The following ADCK2 variants were observed in gnomAD, a reference collection of about 807,000 sequenced individuals.
The protein encoded by ADCK2 is aarF domain containing kinase 2, also known as uncharacterized aarF domain-containing protein kinase 2.
Under a neutral mutation model 52.3 loss-of-function variants are expected in ADCK2, and 37 were observed. That is an observed-to-expected ratio of 0.71 (90% CI 0.54 to 0.93). The LOEUF is 0.93. ADCK2 is among the 40% of genes least tolerant of loss of function. ADCK2 has a pLI of 0.00. For synonymous variants in ADCK2, 321 were observed against 349.2 expected (o/e 0.92, Z 0.90); for missense variants, 695 against 798.7 (o/e 0.87, Z 1.56).
rs763966821 is a variant in ADCK2, at chr7:140,687,134, C to T, written c.1450C>T (p.Leu484Phe). The T allele has an allele frequency of 3.7e-6, 6 of 1,613,470 alleles. No individual in the cohort carries two copies. The Admixed American group carries it at 1.0e-4, about 27-fold the overall frequency. ...DTLVVAVPSS[L>F]CPLRLVLLDA... is the part of the protein sequence containing the mutation. ...TCTGGTGGTGGCCGTGCCATCTTCC[C>T]TCTGCCCGCTGCGACTGGTGCTGCT... Residue 484 changes from leucine (L) to phenylalanine (F), a missense_variant, in exon 5 of 8, where the codon CTC (leucine) becomes TTC (phenylalanine). By Grantham distance (22) the Leu-to-Phe change is conservative. Coordinates refer to ENST00000072869, the MANE Select transcript of ADCK2 (RefSeq NM_052853.4).
At chr7:140,682,274 G>A (rs1047510272) in intron 4 of ADCK2, among the ~76,000 whole-genome samples, 6 of 152,210 alleles carry the variant, frequency 3.9e-5, no homozygotes, top group Non-Finnish European at 8.8e-5. Flanking sequence ...ATTCACTCAG[G>A]AAGTGGCTCC....
chr7:140,683,676 C>T (rs187658586), intron 4 of ADCK2, among the ~76,000 whole-genome samples: 257 of 152,294 alleles, frequency 1.7e-3, no homozygotes, highest in South Asian at 0.013. Context: ...AGGCCAGAGC[C>T]GTGGTTTACA....
chr7:140,684,554 C>CGGATAGG (rs1001771669), intron 4 of ADCK2, among the ~76,000 whole-genome samples: 24 of 152,170 alleles, frequency 1.6e-4, no homozygotes, highest in Admixed American at 1.2e-3. Flanking sequence ...GTCTCAGAGG[C>CGGATAGG]GAAGAATCAT....
chr7:140,683,376 A>T (rs921076326), intron 4 of ADCK2, among the ~76,000 whole-genome samples: 3 of 152,128 alleles, frequency 2.0e-5, no homozygotes, highest in African/African-American at 7.2e-5. Context: ...CACTGTGTGG[A>T]GTTGGAGTGG....
intron 7 of ADCK2, among the ~76,000 whole-genome samples, chr7:140,692,432 A>G (rs1206684500): frequency 6.6e-6 from 1 of 152,224 alleles, no homozygotes; most frequent in Non-Finnish European, 1.5e-5. Flanking sequence ...AGCTTGGCTC[A>G]TTGCAACCTC....
In ADCK2 at chr7:140,694,712, T is replaced by G; in HGVS notation, c.1790T>G (p.Leu597Trp). The G allele has an allele frequency of 3.1e-6, 5 of 1,614,132 alleles. No individual in the cohort carries two copies. The highest frequency in any genetic ancestry group is 4.2e-6 in the Non-Finnish European group (5 of 1,180,006). Residue 597 changes from leucine to tryptophan, a missense_variant, in exon 8 of 8, where the codon TTG becomes TGG. Leu to Trp is a moderately conservative substitution (Grantham distance 61). Coordinates refer to ENST00000072869, the MANE Select transcript of ADCK2 (RefSeq NM_052853.4). ...FASIVFAIMV[L>W]EGLGRSLDPK... Reference sequence around the variant, plus strand: ...TCCATTGTGTTTGCCATCATGGTGTTGGAGGGGCTTGGCCGCTCACTGGAC... The same window carrying G: ...TCCATTGTGTTTGCCATCATGGTGTGGGAGGGGCTTGGCCGCTCACTGGAC...
chr7:140,685,806 T>A (rs1444372817), intron 4 of ADCK2, among the ~76,000 whole-genome samples: 1 of 151,998 alleles, frequency 6.6e-6, no homozygotes, highest in East Asian at 1.9e-4. Context: ...TCTCCTCTCA[T>A]CCCCCGTGGA....
chr7:140,674,252 G>A lies in ADCK2; in HGVS notation c.922G>A (p.Val308Met), dbSNP rs766988293. ...ACCTGAGGCCACCAACCTCATCTCC[G>A]TGGCAGTGAAAGTAAGTGTTGTGAG... ...HQPEATNLIS[V>M]AVKVLHPGLL... is the part of the protein sequence containing the mutation. Residue 308 changes from valine to methionine, a missense_variant, in exon 1 of 8, where the codon GTG becomes ATG. Physicochemically the swap from Val to Met is conservative, Grantham distance 21 (BLOSUM62 1). Transcript: ENST00000072869. The surrounding 1 kb of genome is among the most constrained non-coding windows in gnomAD (Gnocchi z 4.6). 3.1e-6 allele frequency: 5 copies of A among 1,610,722 alleles called. No homozygotes were observed. The South Asian group carries it at 4.4e-5, about 14-fold the overall frequency.
chr7:140,687,209 C>G lies in ADCK2; in HGVS notation c.1525C>G (p.Arg509Gly). 6.3e-7 allele frequency: 1 copy of G among 1,579,118 alleles called. No homozygotes were observed. The highest frequency in any genetic ancestry group is 1.8e-5 in the Admixed American group (1 of 54,552). The change falls in exon 5 of 8, where the codon CGG becomes GGG. Residue 509 changes from arginine (R) to glycine (G), a missense_variant. Physicochemically the swap from Arg to Gly is moderately radical, Grantham distance 125. Transcript: ENST00000072869. ...ELQAPDLRNF[R>G]AVFMAVVMGQ... Reference sequence around the variant, plus strand: ...GCAGGCCCCTGACCTGAGGAATTTCCGGGCAGTTTTCATGGCTGTGGTGAT... The same window carrying G: ...GCAGGCCCCTGACCTGAGGAATTTCGGGGCAGTTTTCATGGCTGTGGTGAT...
chr7:140,674,295 C>T lies in ADCK2; in HGVS notation c.933+32C>T. 1.3e-6 allele frequency: 2 copies of T among 1,567,198 alleles called. No individual in the cohort carries two copies. The highest frequency in any genetic ancestry group is 2.2e-5 in the East Asian group (1 of 44,498). ...GTTGTGAGAGCTCACAGCTCACCTACCCACTGAGCTATCCCAGATCAGAAA... is the reference window on the plus strand; with the variant it reads ...GTTGTGAGAGCTCACAGCTCACCTATCCACTGAGCTATCCCAGATCAGAAA... On this transcript the variant is annotated intron_variant, in intron 1 of 7. Transcript: ENST00000072869. The surrounding 1 kb of genome is among the most constrained non-coding windows in gnomAD (Gnocchi z 4.6).
chr7:140,686,323 C>G (rs1794604079), intron 4 of ADCK2, among the ~76,000 whole-genome samples: 1 of 152,202 alleles, frequency 6.6e-6, no homozygotes, highest in African/African-American at 2.4e-5. Flanking sequence ...CTCCGTCGCC[C>G]AGACTGGAGT....
intron 6 of ADCK2, among the ~76,000 whole-genome samples, chr7:140,690,233 TG>T (rs1044947906): frequency 5.3e-5 from 8 of 152,108 alleles, no homozygotes; most frequent in African/African-American, 1.9e-4. Flanking sequence ...GATGGAGTCT[TG>T]CTGTATCACC....
chr7:140,685,515 G>A (rs529204378), intron 4 of ADCK2, among the ~76,000 whole-genome samples: 3 of 151,740 alleles, frequency 2.0e-5, no homozygotes, highest in Non-Finnish European at 4.4e-5. Context: ...CACCAGCTTC[G>A]CTGGAGGGTC....
At position 140,674,932 on chromosome 7, in the gene ADCK2, A is replaced by C. The variant is rs1794371032; in HGVS notation, c.1080+175A>C. Reference sequence around the variant, plus strand: ...CAAATCTCAGTGGCTTAATGCAACAAATTAATTTTTTGCTTATATCAAAGT... The same window carrying C: ...CAAATCTCAGTGGCTTAATGCAACACATTAATTTTTTGCTTATATCAAAGT... On this transcript the variant is annotated intron_variant, in intron 2 of 7. Coordinates refer to ENST00000072869, the MANE Select transcript of ADCK2 (RefSeq NM_052853.4). This position sits in a 1 kb window ranked among gnomAD's most constrained non-coding sequence, Gnocchi z 4.6. 6.6e-6 allele frequency among the ~76,000 whole-genome samples: 1 copy of C among 152,202 alleles called. No homozygotes were observed. The highest frequency in any genetic ancestry group is 1.5e-5 in the Non-Finnish European group (1 of 68,044).
At position 140,674,887 on chromosome 7, in the gene ADCK2, A is replaced by AGCT; in HGVS notation, c.1080+130_1080+131insGCT. The AGCT allele has an allele frequency of 3.4e-6, 4 of 1,160,972 alleles. No homozygotes were observed. The highest frequency in any genetic ancestry group is 4.7e-6 in the Non-Finnish European group (4 of 852,898). 71.9% of individuals were successfully genotyped at this position (1,160,972 alleles called of 1,614,324 possible). A position where few individuals can be genotyped will look rare whatever the true frequency, so the allele number is the denominator to read the frequency against. On this transcript the variant is annotated intron_variant, in intron 2 of 7. Coordinates refer to ENST00000072869, the MANE Select transcript of ADCK2 (RefSeq NM_052853.4). The surrounding 1 kb of genome is among the most constrained non-coding windows in gnomAD (Gnocchi z 4.6). Reference sequence around the variant, plus strand: ...CATGTGATGTGTTAGAGCTGGTAACACTAGCTGATAAAGAACATCCAAATC... The same window carrying AGCT: ...CATGTGATGTGTTAGAGCTGGTAACAGCTCTAGCTGATAAAGAACATCCAAATC...
At chr7:140,684,750 T>G (rs985603971) in intron 4 of ADCK2, among the ~76,000 whole-genome samples, 2 of 152,086 alleles carry the variant, frequency 1.3e-5, no homozygotes, top group Non-Finnish European at 2.9e-5. Flanking sequence ...TGGGCTCAGG[T>G]GACACCACTC....
Position 140,694,962 on chromosome 7 carries a change from G to C in ADCK2, c.*159G>C. The C allele has an allele frequency of 7.1e-7, 1 of 1,399,724 alleles. No homozygotes were observed. The allele number at this position is 1,399,724 out of a possible 1,614,324, so 86.7% of individuals were successfully genotyped here. A position where few individuals can be genotyped will look rare whatever the true frequency, so the allele number is the denominator to read the frequency against. Reference sequence around the variant, plus strand: ...ATGGCTTCCTCTGCTTGGTTTGAGGGTCTGTTCAAAAGCTTTGGGCCAATT... The same window carrying C: ...ATGGCTTCCTCTGCTTGGTTTGAGGCTCTGTTCAAAAGCTTTGGGCCAATT... On this transcript the variant is annotated 3_prime_UTR_variant, in exon 8 of 8. Transcript: ENST00000072869.
At position 140,693,899 on chromosome 7, in the gene ADCK2, C is replaced by T. The variant is rs542661131; in HGVS notation, c.1741-764C>T. Among the ~76,000 whole-genome samples, 64 of 151,912 alleles carry T rather than the reference C, an allele frequency of 4.2e-4. No homozygotes were observed. Among genetic ancestry groups the T allele is most frequent in the Non-Finnish European group, 8.1e-4 (55 of 67,968 alleles). On this transcript the variant is annotated intron_variant, in intron 7 of 7. Coordinates refer to ENST00000072869, the MANE Select transcript of ADCK2 (RefSeq NM_052853.4). This position sits in a 1 kb window ranked among gnomAD's most constrained non-coding sequence, Gnocchi z 4.0. The stretch of plus-strand genomic sequence containing the variant: ...TGATTTTTTGTATTTTTAGTAGAGG[C>T]AGGGTTTCACTGTGTCAGCCAGGAT...
chr7:140,673,158 G>A lies in ADCK2; in HGVS notation c.-173G>A, dbSNP rs961824362. 23 of 402,886 alleles carry A rather than the reference G, an allele frequency of 5.7e-5. No homozygotes were observed. The Admixed American group carries it at 6.0e-4, about 11-fold the overall frequency. The allele number at this position is 402,886 out of a possible 1,614,324, so 25.0% of individuals were successfully genotyped here. The stretch of plus-strand genomic sequence containing the variant: ...GCGCGGCGGGTGTCGGGCGGGGCGC[G>A]GGCCTCCGGCCTGAGGCCCGGCGAG... On this transcript the variant is annotated 5_prime_UTR_variant, in exon 1 of 8. Transcript: ENST00000072869. The surrounding 1 kb of genome is among the most constrained non-coding windows in gnomAD (Gnocchi z 6.4).
Sources: allele counts gnomAD v4.1 joint callset (sites outside exome capture counted in the v4.1 genomes callset), GRCh38; gene constraint gnomAD v4.1.1; non-coding constraint Gnocchi (gnomAD v3.1); transcripts MANE v1.5; gene names NCBI Gene and HGNC (gene_info 2026-07-23, HGNC 2026-07-21).